VPS13C: variants seen among roughly 807,000 people sequenced by gnomAD.
VPS13C encodes the protein vacuolar protein sorting 13 homolog C.
Under a neutral mutation model 456.8 loss-of-function variants are expected in VPS13C, and 358 were observed. The observed-to-expected ratio is 0.78, with a 90% CI of 0.72 to 0.86. VPS13C has a LOEUF of 0.86. VPS13C is among the 40% of genes least tolerant of loss of function. The pLI is 0.00. For synonymous variants in VPS13C, 1,578 were observed against 1,486.7 expected (o/e 1.06, Z -1.41); for missense variants, 4,818 against 4,385.4 (o/e 1.10, Z -2.79).
rs184309444 is a variant in VPS13C, at chr15:61,991,725, C to A, written c.1431G>T (p.Leu477Phe). 2 of 1,613,660 alleles carry A rather than the reference C, an allele frequency of 1.2e-6. No homozygotes were observed. The highest frequency in any genetic ancestry group is 1.7e-6 in the Non-Finnish European group (2 of 1,179,760). The change falls in exon 17 of 85, where the codon TTG (leucine) becomes TTT (phenylalanine). Residue 477 changes from leucine (L) to phenylalanine (F), a missense_variant. Leu to Phe is a conservative substitution (Grantham distance 22). Coordinates refer to ENST00000644861, the MANE Select transcript of VPS13C (RefSeq NM_020821.3). ...GEKRGGWFSGLWGKKESKKKD... is the reference protein window; with the variant it reads ...GEKRGGWFSGFWGKKESKKKD... ...TTTTCTTAGACTCTTTCTTACCCCACAACCCACTAAACCAGCCTCCACGTT... is the reference window on the plus strand; with the variant it reads ...TTTTCTTAGACTCTTTCTTACCCCAAAACCCACTAAACCAGCCTCCACGTT...
At chr15:62,039,026 A>G (rs1007825569) in intron 3 of VPS13C, among the ~76,000 whole-genome samples, 25 of 152,174 alleles carry the variant, frequency 1.6e-4, no homozygotes, top group African/African-American at 6.0e-4. Flanking sequence ...TTTAACCTCT[A>G]TGGAAAACAG....
At chr15:61,870,651 T>G (rs541141756) in intron 79 of VPS13C, among the ~76,000 whole-genome samples, 7 of 152,116 alleles carry the variant, frequency 4.6e-5, no homozygotes, top group Non-Finnish European at 1.0e-4. Flanking sequence ...AACCTAGGAG[T>G]AGAATTGCTG....
At chr15:61,888,973 G>C (rs1264004413) in intron 67 of VPS13C, among the ~76,000 whole-genome samples, 1 of 152,030 alleles carries the variant, frequency 6.6e-6, no homozygotes, top group East Asian at 1.9e-4. Context: ...GCGGGTACGT[G>C]AAAACTCTTT....
At chr15:62,037,312 A>T (rs1455699834) in intron 3 of VPS13C, among the ~76,000 whole-genome samples, 1 of 74,804 alleles carries the variant, frequency 1.3e-5, no homozygotes, top group Non-Finnish European at 2.3e-5. Flanking sequence ...ATATATATAA[A>T]TATATTATAT....
At chr15:61,909,995 G>A (rs2043257690) in intron 64 of VPS13C, among the ~76,000 whole-genome samples, 182 bp downstream of exon 64, 1 of 129,870 alleles carries the variant, frequency 7.7e-6, no homozygotes, top group Non-Finnish European at 1.6e-5. Context: ...GGGGAGGGGG[G>A]AGGAATAGCA....
chr15:62,051,237 T>C (rs990738255), intron 1 of VPS13C, among the ~76,000 whole-genome samples: 7 of 152,214 alleles, frequency 4.6e-5, no homozygotes, highest in African/African-American at 1.7e-4. Context: ...CTGATTCTCC[T>C]CAGAGTAGGT....
At chr15:61,876,490 A>G (rs1431974409) in intron 75 of VPS13C, among the ~76,000 whole-genome samples, 1 of 152,024 alleles carries the variant, frequency 6.6e-6, no homozygotes, top group East Asian at 1.9e-4. Flanking sequence ...ATGTAATAGG[A>G]GAAAGAATAT....
At chr15:61,950,204 T>C (rs977325224) in intron 41 of VPS13C, among the ~76,000 whole-genome samples, 154 bp downstream of exon 41, 2 of 152,166 alleles carry the variant, frequency 1.3e-5, no homozygotes, top group Admixed American at 6.5e-5. Context: ...TTATTCCAAT[T>C]CTAGTATCTA....
chr15:61,940,590 T>C (rs2044385971), intron 47 of VPS13C, 57 bp downstream of exon 47: 26 of 1,554,826 alleles, frequency 1.7e-5, no homozygotes, highest in South Asian at 1.6e-4. Flanking sequence ...AACTGCACTA[T>C]GATCAACGAG....
chr15:62,021,275 T>C (rs550414106), intron 8 of VPS13C, among the ~76,000 whole-genome samples: 172 of 152,030 alleles, frequency 1.1e-3, no homozygotes, highest in Non-Finnish European at 2.0e-3. Context: ...ACTGCACTTG[T>C]ACTCCTTAAA....
At chr15:62,033,567 C>CA in intron 4 of VPS13C, 25 bp from the exon 5 acceptor site, 1 of 1,473,160 alleles carries the variant, frequency 6.8e-7, no homozygotes, top group South Asian at 1.3e-5. Context: ...TCAATTCACA[C>CA]AAAAATAAAT....
chr15:62,060,018 G>A (rs2048943500), intron 1 of VPS13C, among the ~76,000 whole-genome samples: 1 of 152,234 alleles, frequency 6.6e-6, no homozygotes, highest in Non-Finnish European at 1.5e-5. Flanking sequence ...AGCAGGGCCA[G>A]GGCTTGGCCT....
chr15:61,993,017 C>A (rs1015198605), intron 16 of VPS13C, among the ~76,000 whole-genome samples: 1 of 151,922 alleles, frequency 6.6e-6, no homozygotes, highest in African/African-American at 2.4e-5. Context: ...TAGATAAAAC[C>A]GAGCTTTTTT....
At chr15:61,857,623 A>G (rs988219427) in intron 82 of VPS13C, among the ~76,000 whole-genome samples, 18 of 152,176 alleles carry the variant, frequency 1.2e-4, no homozygotes, top group African/African-American at 4.3e-4. Flanking sequence ...TTTCACTTTT[A>G]ATGAAGAGGA....
At chr15:61,961,992 C>T in intron 34 of VPS13C, 99 bp from the exon 35 acceptor site, 1 of 1,302,364 alleles carries the variant, frequency 7.7e-7, no homozygotes, top group Non-Finnish European at 1.0e-6. Flanking sequence ...TTTTTTTTTC[C>T]AATATTTAAC....
intron 24 of VPS13C, among the ~76,000 whole-genome samples, chr15:61,975,869 T>C (rs529809331): frequency 6.6e-6 from 1 of 151,996 alleles, no homozygotes; most frequent in Non-Finnish European, 1.5e-5. Flanking sequence ...AAAATATTTT[T>C]AAAAATAATA....
intron 3 of VPS13C, among the ~76,000 whole-genome samples, chr15:62,037,202 A>T (rs1567135978): frequency 9.2e-6 from 1 of 108,902 alleles, no homozygotes; most frequent in South Asian, 2.4e-4. Flanking sequence ...TAATAAATAT[A>T]ATATATAAAT....
chr15:61,868,898 A>T, intron 80 of VPS13C, 125 bp from the exon 81 acceptor site: 1 of 791,838 alleles, frequency 1.3e-6, no homozygotes, highest in Non-Finnish European at 2.0e-6. Context: ...CTTTCCCCAA[A>T]TAATGCAAAA....
Position 61,863,496 on chromosome 15 carries a change from G to T in VPS13C, c.10896C>A (p.Tyr3632Ter). Residue 3632 changes from tyrosine to a stop codon, truncating the protein, a stop_gained, in exon 82 of 85, where the codon TAC becomes TAA. Coordinates refer to ENST00000644861, the MANE Select transcript of VPS13C (RefSeq NM_020821.3). LOFTEE classifies it high-confidence loss of function. ...TTCCAGGAATAGCACAGTGGTATCG[G>T]TAAGTCTCTCCTTCCAACTTTTTGA... Reference protein sequence around the residue: ...NHIKKLEGETYRYHCAIPGSK... With the variant: ...NHIKKLEGET 6.2e-7 allele frequency: 1 copy of T among 1,612,806 alleles called. No individual in the cohort carries two copies. Among genetic ancestry groups the T allele is most frequent in the Non-Finnish European group, 8.5e-7 (1 of 1,179,186 alleles).
Sources: gnomAD v4.1 joint callset for allele counts (sites outside exome capture counted in the v4.1 genomes callset) on GRCh38, gnomAD v4.1.1 for gene constraint, MANE v1.5 for transcripts, NCBI Gene and HGNC (gene_info 2026-07-23, HGNC 2026-07-21) for gene names.